The following ELAVL2 variants were observed in gnomAD, a reference collection of about 807,000 sequenced individuals.
The protein encoded by ELAVL2 is ELAV like RNA binding protein 2.
ELAVL2 carries 4 observed loss-of-function variants against 34.6 expected under a neutral mutation model. That is an observed-to-expected ratio of 0.12 (90% confidence interval 0.06 to 0.26). The LOEUF is 0.26. Among genes scored for constraint, ELAVL2 ranks in the 10% least tolerant of loss-of-function variants. The pLI is 1.00. For synonymous variants in ELAVL2, 193 were observed against 154.8 expected, an observed-to-expected ratio of 1.25 and a Z score of -1.83; for missense variants, 432 against 442.8, an observed-to-expected ratio of 0.98 and a Z score of 0.22.
chr9:23,709,392 A>G (rs2040308275), intron 3 of ELAVL2, among the ~76,000 whole-genome samples: 1 of 152,310 alleles, frequency 6.6e-6, no homozygotes, highest in Admixed American at 6.5e-5. Flanking sequence ...TCTGGAGATC[A>G]AATCAGTTAC....
chr9:23,769,465 T>C (rs1317626693), intron 1 of ELAVL2, among the ~76,000 whole-genome samples: 3 of 152,200 alleles, frequency 2.0e-5, no homozygotes, highest in Non-Finnish European at 4.4e-5. Flanking sequence ...AGCAAGAGAA[T>C]AGTCAACCAA....
chr9:23,731,768 ATC>A (rs2134567966), intron 2 of ELAVL2, among the ~76,000 whole-genome samples: 1 of 152,320 alleles, frequency 6.6e-6, no homozygotes, highest in East Asian at 1.9e-4. Flanking sequence ...CAGGGATGAC[ATC>A]GAAGACAATG....
At chr9:23,848,724 C>T in the ELAVL2 span, among the ~76,000 whole-genome samples, 2 of 152,098 alleles carry the variant, frequency 1.3e-5, no homozygotes, top group Non-Finnish European at 2.9e-5. Flanking sequence ...ATCTTTATTT[C>T]AGAATAGGTC....
chr9:23,710,456 G>T (rs566926957), intron 3 of ELAVL2, among the ~76,000 whole-genome samples: 1 of 152,158 alleles, frequency 6.6e-6, no homozygotes, highest in Non-Finnish European at 1.5e-5. Flanking sequence ...CAGTGACAGT[G>T]GACATTAATA....
In ELAVL2 at chr9:23,690,634, T is replaced by C. The variant is rs959929969; in HGVS notation, c.*1923A>G. On this transcript the variant is annotated 3_prime_UTR_variant, in exon 7 of 7. Coordinates refer to ENST00000397312, the MANE Select transcript of ELAVL2 (RefSeq NM_004432.5). Reference sequence around the variant, plus strand: ...ATACTGAAAAATTTTATAACTACAATTTTAAATAATAAAAAATAAAACTCA... The same window carrying C: ...ATACTGAAAAATTTTATAACTACAACTTTAAATAATAAAAAATAAAACTCA... The C allele has an allele frequency of 1.3e-5, 2 of 152,466 alleles. No individual in the cohort carries two copies. Among genetic ancestry groups the C allele is most frequent in the Non-Finnish European group, 2.9e-5 (2 of 67,988 alleles). 9.4% of individuals were successfully genotyped at this position (152,466 alleles called of 1,614,324 possible). A position where few individuals can be genotyped will look rare whatever the true frequency, so the allele number is the denominator to read the frequency against.
At chr9:23,816,292 G>C (rs1775122) in intron 1 of ELAVL2, among the ~76,000 whole-genome samples, 3 of 43,102 alleles carry the variant, frequency 7.0e-5, no homozygotes, top group Admixed American at 4.0e-4. Flanking sequence ...AATTAGTCAA[G>C]AAAGTGTGTA....
the ELAVL2 span, among the ~76,000 whole-genome samples, chr9:23,838,935 T>C: frequency 6.6e-6 from 1 of 152,174 alleles, no homozygotes; most frequent in African/African-American, 2.4e-5. Flanking sequence ...TCAATTTTCA[T>C]ATTCTTTAAT....
chr9:23,831,744 TA>T, the ELAVL2 span: 1 of 151,784 alleles, frequency 6.6e-6, no homozygotes, highest in Non-Finnish European at 1.5e-5. Flanking sequence ...ACCGCTGAAG[TA>T]AACTGCATTA....
At chr9:23,815,940 C>G (rs72693573) in intron 1 of ELAVL2, among the ~76,000 whole-genome samples, 2 of 152,000 alleles carry the variant, frequency 1.3e-5, no homozygotes, top group Non-Finnish European at 2.9e-5. Context: ...ATGCTAAAGG[C>G]CCACATCACT....
rs532681874 is a variant in ELAVL2, at chr9:23,706,394, A to C, written c.334-1323T>G. Among the ~76,000 whole-genome samples the C allele has an allele frequency of 5.9e-5, 9 of 152,180 alleles. No homozygotes were observed. In the East Asian group the frequency reaches 1.5e-3, roughly 26 times the overall value. On this transcript the variant is annotated intron_variant, in intron 3 of 6. Coordinates refer to ENST00000397312, the MANE Select transcript of ELAVL2 (RefSeq NM_004432.5). Reference sequence around the variant, plus strand: ...TTTGGTGAGTAAAGCCCATCCAATAATACCCCATTGATCATGCAGATCCAC... The same window carrying C: ...TTTGGTGAGTAAAGCCCATCCAATACTACCCCATTGATCATGCAGATCCAC...
intron 3 of ELAVL2, among the ~76,000 whole-genome samples, chr9:23,721,291 T>C (rs2134086312): frequency 6.6e-6 from 1 of 152,234 alleles, no homozygotes; most frequent in East Asian, 1.9e-4. Flanking sequence ...CTGTGCTTGA[T>C]TCTATGAAGT....
intron 1 of ELAVL2, among the ~76,000 whole-genome samples, chr9:23,769,868 T>C (rs950484534): frequency 1.3e-5 from 2 of 152,204 alleles, no homozygotes; most frequent in African/African-American, 4.8e-5. Context: ...TCTGAGGTTT[T>C]GTAGTTTCAG....
the ELAVL2 span, among the ~76,000 whole-genome samples, chr9:23,835,348 G>T: frequency 1.3e-5 from 2 of 151,976 alleles, no homozygotes; most frequent in East Asian, 3.9e-4. Context: ...GATTTTAAAG[G>T]TTATTACTCA....
the ELAVL2 span, among the ~76,000 whole-genome samples, chr9:23,849,144 G>C: frequency 6.6e-6 from 1 of 152,172 alleles, no homozygotes; most frequent in African/African-American, 2.4e-5. Flanking sequence ...GCAAAACCCG[G>C]AAGTCCATCC....
At chr9:23,753,377 C>A (rs2052639079) in intron 2 of ELAVL2, among the ~76,000 whole-genome samples, 1 of 151,738 alleles carries the variant, frequency 6.6e-6, no homozygotes, top group South Asian at 2.1e-4. Flanking sequence ...AATGTTCCAA[C>A]AGGTACAGAA....
chr9:23,746,741 C>G (rs1276528989), intron 2 of ELAVL2, among the ~76,000 whole-genome samples: 1 of 150,370 alleles, frequency 6.7e-6, no homozygotes, highest in Non-Finnish European at 1.5e-5. Flanking sequence ...CAGAAGGACC[C>G]TAATGAAATG....
chr9:23,804,346 G>C (rs2061949468), intron 1 of ELAVL2, among the ~76,000 whole-genome samples: 1 of 151,988 alleles, frequency 6.6e-6, no homozygotes, highest in South Asian at 2.1e-4. Flanking sequence ...TGAACACTTT[G>C]AACACTTTCA....
At chr9:23,717,378 T>C (rs776339685) in intron 3 of ELAVL2, among the ~76,000 whole-genome samples, 1 of 152,200 alleles carries the variant, frequency 6.6e-6, no homozygotes, top group Non-Finnish European at 1.5e-5. Context: ...ATTCCTATTG[T>C]TTCTCTTATA....
the ELAVL2 span, among the ~76,000 whole-genome samples, chr9:23,837,968 A>G: frequency 6.6e-6 from 1 of 152,150 alleles, no homozygotes; most frequent in African/African-American, 2.4e-5. Context: ...GGCTGTTCCA[A>G]CCAGCGGGTA....
Sources: gnomAD v4.1 joint callset for allele counts (sites outside exome capture counted in the v4.1 genomes callset) on GRCh38, gnomAD v4.1.1 for gene constraint, MANE v1.5 for transcripts, NCBI Gene and HGNC (gene_info 2026-07-23, HGNC 2026-07-21) for gene names.